The following FBXW4 variants were observed in gnomAD, a reference collection of about 807,000 sequenced individuals.
FBXW4 encodes the protein F-box and WD repeat domain containing 4, also known as F-box/WD repeat-containing protein 4.
In FBXW4, 40 loss-of-function variants were observed where a neutral mutation model predicts 61.8. The ratio of observed to expected loss-of-function variants is 0.65; its 90% confidence interval spans 0.50 to 0.84. The LOEUF (loss-of-function observed/expected upper bound fraction) is 0.84. Among genes scored for constraint, FBXW4 ranks in the 40% least tolerant of loss-of-function variants. The probability of loss-of-function intolerance (pLI) is 0.00; values close to 1 mark genes in which losing one functional copy is unlikely to be tolerated. For synonymous variants in FBXW4, 311 were observed against 313.8 expected (o/e 0.99, Z 0.10); for missense variants, 672 against 753.8 (o/e 0.89, Z 1.27).
intron 4 of FBXW4, among the ~76,000 whole-genome samples, chr10:101,670,012 C>T (rs1589772210): frequency 1.3e-5 from 2 of 152,100 alleles, no homozygotes; most frequent in Non-Finnish European, 1.5e-5. Flanking sequence ...GCCTCAGCCT[C>T]CCAAAGTCCT....
At chr10:101,645,247 G>A (rs2064086471) in intron 5 of FBXW4, among the ~76,000 whole-genome samples, 1 of 152,210 alleles carries the variant, frequency 6.6e-6, no homozygotes, top group Non-Finnish European at 1.5e-5. Context: ...CACCCCTGCG[G>A]CATGGAACAG....
At chr10:101,631,543 T>C (rs566019342) in intron 5 of FBXW4, among the ~76,000 whole-genome samples, 2 of 152,238 alleles carry the variant, frequency 1.3e-5, no homozygotes, top group East Asian at 3.9e-4. Context: ...TGATAAGCAA[T>C]TCTTTCTTCT....
intron 5 of FBXW4, among the ~76,000 whole-genome samples, chr10:101,633,790 G>A (rs1429152141): frequency 6.6e-6 from 1 of 151,842 alleles, no homozygotes; most frequent in Non-Finnish European, 1.5e-5. Flanking sequence ...TTATATACTA[G>A]CAATAACCAA....
intron 5 of FBXW4, among the ~76,000 whole-genome samples, chr10:101,632,390 G>A (rs2063966284): frequency 6.6e-6 from 1 of 152,136 alleles, no homozygotes; most frequent in Non-Finnish European, 1.5e-5. Flanking sequence ...GGTTTCTGCG[G>A]AGGAGTGCAT....
At chr10:101,658,046 C>T (rs1472132338) in intron 5 of FBXW4, among the ~76,000 whole-genome samples, 1 of 152,194 alleles carries the variant, frequency 6.6e-6, no homozygotes, top group Admixed American at 6.5e-5. Flanking sequence ...TGATGAAACT[C>T]ACTAAGACTC....
chr10:101,678,433 G>C (rs1260367401), intron 1 of FBXW4, among the ~76,000 whole-genome samples: 2 of 152,092 alleles, frequency 1.3e-5, no homozygotes, highest in South Asian at 2.1e-4. Flanking sequence ...TTTTTTGTTT[G>C]TTTGTTTTTT....
chr10:101,681,784 G>T (rs1192465474), intron 1 of FBXW4, among the ~76,000 whole-genome samples: 1 of 150,524 alleles, frequency 6.6e-6, no homozygotes, highest in Non-Finnish European at 1.5e-5. Context: ...TTAATAGATG[G>T]TGCTTTATTA....
In FBXW4 at chr10:101,674,446, A is replaced by G. The variant is rs1018945613; in HGVS notation, c.822-773T>C. On this transcript the variant is annotated intron_variant, in intron 2 of 8. Coordinates refer to ENST00000331272, the MANE Select transcript of FBXW4 (RefSeq NM_022039.4). ...TTTCAAGGTTCTAGGATTCCCATAC[A>G]TACCTCTTCCGCAATAGATCAGTTA... 1.1e-4 allele frequency among the ~76,000 whole-genome samples: 17 copies of G among 152,350 alleles called. No individual in the cohort carries two copies. In the East Asian group the frequency reaches 3.1e-3, roughly 28 times the overall value.
chr10:101,630,478 G>GA (rs2063943494), intron 5 of FBXW4, among the ~76,000 whole-genome samples: 1 of 152,176 alleles, frequency 6.6e-6, no homozygotes, highest in South Asian at 2.1e-4. Flanking sequence ...AGCCAGCAAG[G>GA]GTAGGAAGGA....
rs749692949 is a variant in FBXW4 at position 101,611,650 on chromosome 10, C to G, written c.1562G>C (p.Arg521Pro). 1 of 1,614,160 alleles carries G rather than the reference C, an allele frequency of 6.2e-7. No homozygotes were observed. Among genetic ancestry groups the G allele is most frequent in the South Asian group, 1.1e-5 (1 of 91,076 alleles). Residue 521 changes from arginine (R) to proline (P), a missense_variant, in exon 8 of 9, where the codon CGG becomes CCG. Coordinates refer to ENST00000331272, the MANE Select transcript of FBXW4 (RefSeq NM_022039.4). This position sits in a 1 kb window ranked among gnomAD's most constrained non-coding sequence, Gnocchi z 4.9. Reference protein sequence around the residue: ...SYYGVVRLWDRRQRACLHAFP... With the variant: ...SYYGVVRLWDPRQRACLHAFP... ...TACGTGCAGGCAGGCCCTTTGACGC[C>G]GGTCCCACAGCCGTACAACACCGTA...
chr10:101,673,238 G>A (rs1302241613), intron 3 of FBXW4, among the ~76,000 whole-genome samples, 191 bp from the exon 4 acceptor site: 1 of 152,132 alleles, frequency 6.6e-6, no homozygotes, highest in Non-Finnish European at 1.5e-5. Context: ...GAACAGAGCT[G>A]AGAGAAAAAA....
chr10:101,679,881 AC>A (rs923443591), intron 1 of FBXW4, among the ~76,000 whole-genome samples: 5 of 151,074 alleles, frequency 3.3e-5, no homozygotes, highest in Admixed American at 2.0e-4. Flanking sequence ...TCTATCACTT[AC>A]CCCCCCACCT....
At chr10:101,653,925 A>ATCC (rs1244399605) in intron 5 of FBXW4, among the ~76,000 whole-genome samples, 1 of 152,054 alleles carries the variant, frequency 6.6e-6, no homozygotes, top group East Asian at 1.9e-4. Flanking sequence ...GATCGAGACC[A>ATCC]TCCTGGCCAA....
intron 5 of FBXW4, among the ~76,000 whole-genome samples, chr10:101,649,345 C>G (rs2064127220): frequency 6.6e-6 from 1 of 152,218 alleles, no homozygotes; most frequent in African/African-American, 2.4e-5. Flanking sequence ...GAGCCCCAGC[C>G]TAACCATCTC....
At chr10:101,692,086 A>T (rs1458113754) in intron 1 of FBXW4, among the ~76,000 whole-genome samples, 1 of 148,892 alleles carries the variant, frequency 6.7e-6, no homozygotes, top group Non-Finnish European at 1.5e-5. Context: ...AAAGTACAGA[A>T]TTTTTTTTTT....
chr10:101,653,347 C>G (rs917693865), intron 5 of FBXW4, among the ~76,000 whole-genome samples: 1 of 152,142 alleles, frequency 6.6e-6, no homozygotes, highest in African/African-American at 2.4e-5. Context: ...CAATCTGGCC[C>G]AAAACGGTCC....
chr10:101,694,274 C>T lies in FBXW4; in HGVS notation c.725+107G>A. 9.0e-7 allele frequency: 1 copy of T among 1,109,070 alleles called. No individual in the cohort carries two copies. Among genetic ancestry groups the T allele is most frequent in the Non-Finnish European group, 1.2e-6 (1 of 851,766 alleles). 68.7% of individuals were successfully genotyped at this position (1,109,070 alleles called of 1,614,324 possible). A position where few individuals can be genotyped will look rare whatever the true frequency, so the allele number is the denominator to read the frequency against. On this transcript the variant is annotated intron_variant, in intron 1 of 8. Transcript: ENST00000331272. This position sits in a 1 kb window ranked among gnomAD's most constrained non-coding sequence, Gnocchi z 6.0. ...CGGAGGTCAGGTGTAGGCCTAGAAA[C>T]TCGGGGTGCGACACGACCCTGGGCC...
intron 5 of FBXW4, among the ~76,000 whole-genome samples, chr10:101,649,004 C>A (rs542781972): frequency 2.4e-4 from 36 of 152,278 alleles, no homozygotes; most frequent in African/African-American, 7.9e-4. Flanking sequence ...GGGTGCTCCA[C>A]AAAGTTACCA....
chr10:101,675,131 G>A (rs1050061306), intron 2 of FBXW4, among the ~76,000 whole-genome samples: 3 of 152,220 alleles, frequency 2.0e-5, no homozygotes, highest in African/African-American at 7.2e-5. Flanking sequence ...TAGTAACTGA[G>A]TTTCTGCTCA....
Sources: allele counts gnomAD v4.1 joint callset (sites outside exome capture counted in the v4.1 genomes callset), GRCh38; gene constraint gnomAD v4.1.1; non-coding constraint Gnocchi (gnomAD v3.1); transcripts MANE v1.5; gene names NCBI Gene and HGNC (gene_info 2026-07-23, HGNC 2026-07-21).